The following TLL1 variants were observed in gnomAD, a reference collection of about 807,000 sequenced individuals.
TLL1 encodes the protein tolloid like 1.
A neutral mutation model predicts 128.2 loss-of-function variants in TLL1; 49 were observed. The ratio of observed to expected loss-of-function variants is 0.38; its 90% CI spans 0.30 to 0.48. The LOEUF (loss-of-function observed/expected upper bound fraction) is 0.48, where lower values mean the gene tolerates loss of function less well. TLL1 is among the 20% of genes least tolerant of loss of function. TLL1 has a pLI of 0.96. For missense variants in TLL1, 1,123 were observed against 1,242.0 expected (o/e 0.90, Z 1.44); for synonymous variants, 454 against 418.8 (o/e 1.08, Z -1.03).
chr4:165,907,506 G>A (rs1026734540), intron 1 of TLL1, among the ~76,000 whole-genome samples: 1 of 151,936 alleles, frequency 6.6e-6, no homozygotes, highest in African/African-American at 2.4e-5. Context: ...TAAGTATACA[G>A]ATTAGTTTAA....
rs144587855 is a variant in TLL1, at chr4:165,894,956, A to G, written c.169+20883A>G. On this transcript the variant is annotated intron_variant, in intron 1 of 20. Transcript: ENST00000061240. ...TGCATTTTATAAAAATTGACTATAT[A>G]ATTTTAAAATTATATAATAAACAGA... Among the ~76,000 whole-genome samples the G allele has an allele frequency of 2.4e-3, 361 of 151,978 alleles. 2 individuals carry two copies. The East Asian group carries it at 0.043, about 18-fold the overall frequency.
At chr4:165,874,525 A>T (rs899679848) in intron 1 of TLL1, among the ~76,000 whole-genome samples, 2 of 152,142 alleles carry the variant, frequency 1.3e-5, no homozygotes, top group African/African-American at 4.8e-5. Context: ...CAAAAGATAC[A>T]GGAGGATGGC....
At chr4:165,971,267 G>T (rs527527285) in intron 1 of TLL1, among the ~76,000 whole-genome samples, 57 of 152,292 alleles carry the variant, frequency 3.7e-4, no homozygotes, top group African/African-American at 1.2e-3. Flanking sequence ...TCACCCCCAT[G>T]CATGTCCCTA....
intron 1 of TLL1, among the ~76,000 whole-genome samples, chr4:165,956,356 T>G (rs1734790766): frequency 6.6e-6 from 1 of 152,004 alleles, no homozygotes; most frequent in East Asian, 1.9e-4. Flanking sequence ...AGGGTGTATC[T>G]CAGTCCTTAT....
intron 8 of TLL1, among the ~76,000 whole-genome samples, chr4:166,022,169 CT>C (rs200372458): frequency 1.4e-3 from 200 of 142,194 alleles, no homozygotes; most frequent in Middle Eastern, 3.6e-3. Flanking sequence ...ATTCCTTTTC[CT>C]TTTTTTTTTT....
chr4:166,010,942 A>G (rs1017092314), intron 7 of TLL1, among the ~76,000 whole-genome samples: 7 of 151,192 alleles, frequency 4.6e-5, no homozygotes, highest in Admixed American at 1.3e-4. Context: ...CCCTTGTCAA[A>G]GATAATATGA....
At chr4:165,885,599 C>G (rs1052839097) in intron 1 of TLL1, among the ~76,000 whole-genome samples, 1 of 149,384 alleles carries the variant, frequency 6.7e-6, no homozygotes, top group Non-Finnish European at 1.5e-5. Flanking sequence ...AACAAACAAA[C>G]AAAAAAAAAA....
At chr4:165,930,530 C>T (rs1733469891) in intron 1 of TLL1, among the ~76,000 whole-genome samples, 1 of 151,888 alleles carries the variant, frequency 6.6e-6, no homozygotes, top group South Asian at 2.1e-4. Flanking sequence ...GCTTTTGTGC[C>T]ACAAAGGCAG....
In TLL1 at chr4:166,010,834, A is replaced by T. The variant is rs190933896; in HGVS notation, c.917+2786A>T. On this transcript the variant is annotated intron_variant, in intron 7 of 20. Coordinates refer to ENST00000061240, the MANE Select transcript of TLL1 (RefSeq NM_012464.5). ...TTAATTTTTTAAAGTGTTTTTTTTA[A>T]AAAAGAGACCAATTTTATTATTCTA... Among the ~76,000 whole-genome samples, 1,236 of 151,284 alleles carry T rather than the reference A, an allele frequency of 8.2e-3. 18 individuals are homozygous for T. Among genetic ancestry groups the T allele is most frequent in the African/African-American group, 0.028 (1,170 of 41,400 alleles).
chr4:166,001,476 T>C (rs1737147863), intron 5 of TLL1, among the ~76,000 whole-genome samples: 1 of 151,970 alleles, frequency 6.6e-6, no homozygotes, highest in Non-Finnish European at 1.5e-5. Context: ...ATGGAACTTC[T>C]ATATTTTGGA....
chr4:165,940,516 C>CAT (rs1332691416), intron 1 of TLL1, among the ~76,000 whole-genome samples: 2 of 151,868 alleles, frequency 1.3e-5, no homozygotes, highest in South Asian at 2.1e-4. Context: ...CACACTGACA[C>CAT]ATATATATAT....
chr4:165,998,494 TA>T (rs1404702779), intron 5 of TLL1, among the ~76,000 whole-genome samples: 1 of 152,148 alleles, frequency 6.6e-6, no homozygotes, highest in Non-Finnish European at 1.5e-5. Flanking sequence ...ATTCAGGTTA[TA>T]AAAGTAGATA....
At chr4:165,939,001 T>C (rs1042441525) in intron 1 of TLL1, among the ~76,000 whole-genome samples, 19 of 150,202 alleles carry the variant, frequency 1.3e-4, no homozygotes, top group African/African-American at 4.8e-4. Context: ...TTTTCTCTCT[T>C]TGTTTTGCTT....
intron 7 of TLL1, among the ~76,000 whole-genome samples, chr4:166,009,263 A>G (rs1737571744): frequency 6.6e-6 from 1 of 151,500 alleles, no homozygotes; most frequent in South Asian, 2.1e-4. Context: ...TAACAAATGG[A>G]TATTTAGGTT....
At chr4:166,053,230 C>G (rs1739840618) in intron 12 of TLL1, 1 of 151,682 alleles carries the variant, frequency 6.6e-6, no homozygotes, top group South Asian at 2.1e-4. Context: ...ACTAACTAGA[C>G]CTGTTCTTAA....
intron 1 of TLL1, among the ~76,000 whole-genome samples, chr4:165,899,280 C>T (rs1346888281): frequency 6.6e-6 from 1 of 151,934 alleles, no homozygotes; most frequent in African/African-American, 2.4e-5. Context: ...AATTTGTTTG[C>T]TCTTACTTCT....
intron 5 of TLL1, among the ~76,000 whole-genome samples, chr4:165,998,690 G>T (rs372273759): frequency 6.6e-6 from 1 of 151,686 alleles, no homozygotes; most frequent in Admixed American, 6.6e-5. Context: ...CCAGCTACTC[G>T]GGAGGCTGAG....
At chr4:165,884,250 T>C (rs1731082203) in intron 1 of TLL1, among the ~76,000 whole-genome samples, 1 of 152,230 alleles carries the variant, frequency 6.6e-6, no homozygotes, top group Non-Finnish European at 1.5e-5. Flanking sequence ...AATTGCATGC[T>C]AAGTTATTTT....
intron 19 of TLL1, among the ~76,000 whole-genome samples, chr4:166,095,089 G>A (rs1210218358): frequency 5.3e-5 from 8 of 151,948 alleles, no homozygotes; most frequent in East Asian, 1.9e-4. Flanking sequence ...GAATATGGAC[G>A]GCTATTTTTG....
Sources: allele counts gnomAD v4.1 joint callset (sites outside exome capture counted in the v4.1 genomes callset), GRCh38; gene constraint gnomAD v4.1.1; transcripts MANE v1.5; gene names NCBI Gene and HGNC (gene_info 2026-07-23, HGNC 2026-07-21).